The following ZNF568 variants were observed in gnomAD, a reference collection of about 807,000 sequenced individuals.
The protein encoded by ZNF568 is zinc finger protein 568.
Under a neutral mutation model 18.1 loss-of-function variants are expected in ZNF568, and 11 were observed. The ratio of observed to expected loss-of-function variants is 0.61; its 90% CI spans 0.38 to 1.00. The LOEUF (loss-of-function observed/expected upper bound fraction) is 1.00. Ranked by LOEUF, ZNF568 falls within the 50% of genes least tolerant of loss-of-function variation. The pLI is 0.01. For missense variants in ZNF568, 639 were observed against 768.2 expected (o/e 0.83, Z 1.99); for synonymous variants, 213 against 246.6 (o/e 0.86, Z 1.28).
chr19:36,945,759 GTGTA>G (rs1304803609), intron 6 of ZNF568, among the ~76,000 whole-genome samples: 4 of 144,416 alleles, frequency 2.8e-5, no homozygotes, highest in African/African-American at 1.1e-4. Flanking sequence ...GTGTGTGTGT[GTGTA>G]TGTATGTGTG....
chr19:36,953,170 A>G (rs1181763951), downstream of ZNF568, among the ~76,000 whole-genome samples: 1 of 152,234 alleles, frequency 6.6e-6, no homozygotes, highest in Non-Finnish European at 1.5e-5. Context: ...TATTAGGTTC[A>G]TAGCTAACTA....
chr19:36,975,047 G>A (rs1667336), intron 7 of ZNF568, among the ~76,000 whole-genome samples: 82,149 of 150,536 alleles, frequency 0.55, 23,001 homozygotes, highest in African/African-American at 0.65. Context: ...GGCTGATCTC[G>A]AACTCCTTAA....
At chr19:36,997,851 G>T, downstream of ZNF568, 1 of 458,572 alleles carries the variant, frequency 2.2e-6, no homozygotes, top group Non-Finnish European at 3.9e-6. Flanking sequence ...TTATGTTTCA[G>T]AATTTATTAC....
At chr19:36,923,595 A>G (rs1193659568) in intron 3 of ZNF568, among the ~76,000 whole-genome samples, 2 of 150,952 alleles carry the variant, frequency 1.3e-5, no homozygotes, top group African/African-American at 2.4e-5. Flanking sequence ...TGCATCTGGT[A>G]TGCCTGAAAT....
At chr19:36,920,097 CTTCCAG>C (rs1487531365) in intron 2 of ZNF568, among the ~76,000 whole-genome samples, 13 of 152,232 alleles carry the variant, frequency 8.5e-5, no homozygotes, top group African/African-American at 3.1e-4. Context: ...CCCTGAAGAT[CTTCCAG>C]TGGGGCCAGA....
At chr19:36,937,776 A>G (rs1263576308) in intron 6 of ZNF568, among the ~76,000 whole-genome samples, 3 of 152,168 alleles carry the variant, frequency 2.0e-5, no homozygotes, top group Admixed American at 1.3e-4. Context: ...TCTGGCTTAG[A>G]AATCCCATGG....
Position 36,916,855 on chromosome 19 carries a change from T to G in ZNF568, c.-256+264T>G, listed in dbSNP as rs891317507. Among the ~76,000 whole-genome samples the G allele has an allele frequency of 5.3e-5, 8 of 152,170 alleles. No homozygotes were observed. The highest frequency in any genetic ancestry group is 1.9e-4 in the African/African-American group (8 of 41,442). ...TTTCTGTAGCATTTGGCACAGTTGGTAACGGCTTGAAAAACACTTATTTGT... is the reference window on the plus strand; with the variant it reads ...TTTCTGTAGCATTTGGCACAGTTGGGAACGGCTTGAAAAACACTTATTTGT... On this transcript the variant is annotated intron_variant, in intron 1 of 6. Transcript: ENST00000333987. The surrounding 1 kb of genome is among the most constrained non-coding windows in gnomAD (Gnocchi z 5.3).
chr19:36,997,906 T>C (rs1278103927), downstream of ZNF568: 5 of 324,122 alleles, frequency 1.5e-5, no homozygotes, highest in Non-Finnish European at 2.9e-5. Flanking sequence ...TCCATGAATG[T>C]AAAGAAAGTA....
chr19:36,984,027 T>C (rs150226614), downstream of ZNF568, among the ~76,000 whole-genome samples: 4,898 of 150,194 alleles, frequency 0.033, 114 homozygotes, highest in Non-Finnish European at 0.048. Context: ...GCCTCCCGAG[T>C]AGCTGGGATT....
At chr19:36,921,710 C>G (rs1280044410) in intron 2 of ZNF568, among the ~76,000 whole-genome samples, 1 of 152,070 alleles carries the variant, frequency 6.6e-6, no homozygotes. Context: ...TTCGTATATT[C>G]ATCCAATATT....
chr19:36,943,446 C>G (rs1001273238), intron 6 of ZNF568, among the ~76,000 whole-genome samples: 1 of 152,122 alleles, frequency 6.6e-6, no homozygotes, highest in African/African-American at 2.4e-5. Context: ...TACTCTTTCT[C>G]TTCAAAAGCT....
intron 4 of ZNF568, among the ~76,000 whole-genome samples, chr19:36,933,924 G>GTTTTTTTTTTTTTT (rs140279289): frequency 1.2e-3 from 37 of 29,888 alleles, no homozygotes; most frequent in African/African-American, 1.5e-3. Flanking sequence ...TTGTTTTTTT[G>GTTTTTTTTTTTTTT]TTTTTTTTTT....
At position 36,928,795 on chromosome 19, in the gene ZNF568, G is replaced by A. The variant is rs143408676; in HGVS notation, c.135+3537G>A. ...AAAACCCGAAAGAAAAAAATAAAATGTATGTGGTGTACATGGGAGAATGAA... is the reference window on the plus strand; with the variant it reads ...AAAACCCGAAAGAAAAAAATAAAATATATGTGGTGTACATGGGAGAATGAA... On this transcript the variant is annotated intron_variant, in intron 4 of 6. Coordinates refer to ENST00000333987, the MANE Select transcript of ZNF568 (RefSeq NM_198539.4). Among the ~76,000 whole-genome samples the A allele has an allele frequency of 1.1e-4, 16 of 152,210 alleles. No homozygotes were observed. In the East Asian group the frequency reaches 1.2e-3, roughly 11 times the overall value.
chr19:36,920,661 A>T (rs2073437613), intron 2 of ZNF568, among the ~76,000 whole-genome samples: 1 of 152,086 alleles, frequency 6.6e-6, no homozygotes, highest in Non-Finnish European at 1.5e-5. Context: ...TAACAAAGTT[A>T]TAGTAAGCTA....
chr19:36,950,805 T>A lies in ZNF568; in HGVS notation c.1652T>A (p.Ile551Asn), dbSNP rs1488886512. 4 of 1,613,354 alleles carry A rather than the reference T, an allele frequency of 2.5e-6. No homozygotes were observed. The highest frequency in any genetic ancestry group is 2.5e-6 in the Non-Finnish European group (3 of 1,179,936). ...QRQNLLEHEKIHTGEKPFKCN... is the reference protein window; with the variant it reads ...QRQNLLEHEKNHTGEKPFKCN... Reference sequence around the variant, plus strand: ...CAAAATCTTCTTGAGCATGAAAAAATTCATACTGGAGAGAAACCATTCAAA... The same window carrying A: ...CAAAATCTTCTTGAGCATGAAAAAAATCATACTGGAGAGAAACCATTCAAA... The change falls in exon 7 of 7, where the codon ATT (isoleucine) becomes AAT (asparagine). Residue 551 changes from isoleucine to asparagine, a missense_variant. By Grantham distance (149) the Ile-to-Asn change is moderately radical (BLOSUM62 -3). Transcript: ENST00000333987.
chr19:36,952,003 T>C lies in ZNF568; in HGVS notation c.*915T>C. The C allele has an allele frequency of 2.0e-6, 2 of 980,430 alleles. No individual in the cohort carries two copies. Among genetic ancestry groups the C allele is most frequent in the Non-Finnish European group, 2.4e-6 (2 of 829,304 alleles). The allele number at this position is 980,430 out of a possible 1,614,324, so 60.7% of individuals were successfully genotyped here. A position where few individuals can be genotyped will look rare whatever the true frequency, so the allele number is the denominator to read the frequency against. The stretch of plus-strand genomic sequence containing the variant: ...AAACTGTGAAACCATTGGGAGAAAA[T>C]AGATGATATTGTCTATGACGTTGAG... On this transcript the variant is annotated 3_prime_UTR_variant, in exon 7 of 7. Transcript: ENST00000333987.
At chr19:36,997,845 G>T, downstream of ZNF568, 1 of 467,118 alleles carries the variant, frequency 2.1e-6, no homozygotes. Flanking sequence ...ATTTATTTAT[G>T]TTTCAGAATT....
chr19:36,990,193 A>T (rs2074411476), intron 2 of ZNF568, among the ~76,000 whole-genome samples: 1 of 152,162 alleles, frequency 6.6e-6, no homozygotes, highest in Non-Finnish European at 1.5e-5. Context: ...CTTGTGTAGT[A>T]TGTGCGCACC....
intron 4 of ZNF568, among the ~76,000 whole-genome samples, chr19:36,927,260 C>T (rs1028518086): frequency 1.3e-5 from 2 of 152,086 alleles, no homozygotes; most frequent in Non-Finnish European, 2.9e-5. Context: ...CAATGTTAAT[C>T]TTTTCTAAGA....
Sources: gnomAD v4.1 joint callset for allele counts (sites outside exome capture counted in the v4.1 genomes callset) on GRCh38, gnomAD v4.1.1 for gene constraint, Gnocchi (gnomAD v3.1) non-coding constraint, MANE v1.5 for transcripts, NCBI Gene and HGNC (gene_info 2026-07-23, HGNC 2026-07-21) for gene names.